Variants in COL28A1 observed in about 807,000 individuals in gnomAD.
COL28A1 encodes collagen alpha-1(XXVIII) chain.
Under a neutral mutation model 150.2 loss-of-function variants are expected in COL28A1, and 161 were observed. The ratio of observed to expected loss-of-function variants is 1.07; its 90% CI spans 0.94 to 1.22. The LOEUF (loss-of-function observed/expected upper bound fraction) is 1.22, where lower values mean the gene tolerates loss of function less well. COL28A1 is among the 50% of genes most tolerant of loss of function. The pLI, the probability that COL28A1 is intolerant of heterozygous loss-of-function variation, is 0.00. For missense variants in COL28A1, 1,617 were observed against 1,388.3 expected, an observed-to-expected ratio of 1.16 and a Z score of -2.62; for synonymous variants, 552 against 469.7, an observed-to-expected ratio of 1.18 and a Z score of -2.26.
chr7:7,471,503 T>G (rs55798422), intron 15 of COL28A1, among the ~76,000 whole-genome samples: 17,664 of 152,124 alleles, frequency 0.12, 1,120 homozygotes, highest in Middle Eastern at 0.21. Context: ...CAACAACGTA[T>G]CAAAAAGATA....
At chr7:7,367,532 G>C (rs1286878715) in intron 33 of COL28A1, among the ~76,000 whole-genome samples, 1 of 152,098 alleles carries the variant, frequency 6.6e-6, no homozygotes, top group South Asian at 2.1e-4. Context: ...AGTTCCCCTA[G>C]AGAGACCTAG....
chr7:7,416,430 C>T (rs1030819102), intron 27 of COL28A1, among the ~76,000 whole-genome samples: 3 of 152,210 alleles, frequency 2.0e-5, no homozygotes, highest in African/African-American at 7.2e-5. Flanking sequence ...GGCCTAAAGA[C>T]GTGGCAGCAA....
At chr7:7,359,637 CTTATATGTGATAAACT>C (rs933231937) in intron 34 of COL28A1, among the ~76,000 whole-genome samples, 20 of 152,170 alleles carry the variant, frequency 1.3e-4, no homozygotes, top group Non-Finnish European at 2.8e-4. Context: ...CTATCTGGGA[CTTATATGTGATAAACT>C]TTATTTTGCA....
At chr7:7,430,858 G>A (rs1008535620) in intron 25 of COL28A1, among the ~76,000 whole-genome samples, 4 of 152,106 alleles carry the variant, frequency 2.6e-5, no homozygotes, top group African/African-American at 4.8e-5. Flanking sequence ...GCTTATTCAA[G>A]GATCTGATGT....
At chr7:7,402,104 C>T (rs1437251218) in intron 27 of COL28A1, among the ~76,000 whole-genome samples, 4 of 152,118 alleles carry the variant, frequency 2.6e-5, no homozygotes, top group Non-Finnish European at 5.9e-5. Context: ...GAGGAGTTGC[C>T]CTAAGTCTTC....
rs1335697724 is a variant in COL28A1, at chr7:7,431,695, C to T, written c.1998+778G>A. On this transcript the variant is annotated intron_variant, in intron 25 of 34. Transcript: ENST00000399429. ...TTTCTAGGAAGGAATGGTATATGCTCTGATTTACGGTTTTAAAAGACCACT... is the reference window on the plus strand; with the variant it reads ...TTTCTAGGAAGGAATGGTATATGCTTTGATTTACGGTTTTAAAAGACCACT... The T allele has an allele frequency of 8.7e-6, 4 of 457,168 alleles. No homozygotes were observed. In the Admixed American group the frequency reaches 9.6e-5, roughly 11 times the overall value. The allele number at this position is 457,168 out of a possible 1,614,324, so 28.3% of individuals were successfully genotyped here. A position where few individuals can be genotyped will look rare whatever the true frequency, so the allele number is the denominator to read the frequency against.
At chr7:7,452,525 C>A in intron 17 of COL28A1, 138 bp from the exon 18 acceptor site, 2 of 1,284,588 alleles carry the variant, frequency 1.6e-6, no homozygotes, top group Non-Finnish European at 2.0e-6. Flanking sequence ...GAAATCCCTT[C>A]GGGGGATGGA....
intron 4 of COL28A1, 102 bp downstream of exon 4, chr7:7,524,127 T>C: frequency 1.3e-6 from 1 of 769,996 alleles, no homozygotes; most frequent in East Asian, 2.5e-5. Context: ...AACTAAGCAT[T>C]TTTATTTAGT....
At chr7:7,389,984 T>C (rs1178476203) in intron 27 of COL28A1, among the ~76,000 whole-genome samples, 1 of 152,214 alleles carries the variant, frequency 6.6e-6, no homozygotes, top group Non-Finnish European at 1.5e-5. Flanking sequence ...ACCCTTTATT[T>C]CTTTCTCTTG....
intron 27 of COL28A1, among the ~76,000 whole-genome samples, chr7:7,415,421 T>C (rs1488841731): frequency 1.3e-5 from 2 of 152,216 alleles, no homozygotes; most frequent in Admixed American, 6.5e-5. Flanking sequence ...GCAAAAGTAA[T>C]TGCGGTTTTT....
At chr7:7,421,736 G>A (rs1162897735) in intron 25 of COL28A1, among the ~76,000 whole-genome samples, 1 of 152,178 alleles carries the variant, frequency 6.6e-6, no homozygotes, top group African/African-American at 2.4e-5. Flanking sequence ...CTTTAAAACT[G>A]TACTTTATTA....
At chr7:7,455,447 C>T (rs141031249) in intron 16 of COL28A1, among the ~76,000 whole-genome samples, 294 of 152,272 alleles carry the variant, frequency 1.9e-3, no homozygotes, top group African/African-American at 6.3e-3. Flanking sequence ...GTTCTAATCA[C>T]GAATGTAGAC....
the COL28A1 span, among the ~76,000 whole-genome samples, chr7:7,342,498 T>C: frequency 6.6e-6 from 1 of 151,828 alleles, no homozygotes; most frequent in African/African-American, 2.4e-5. Flanking sequence ...CTGATAGGAC[T>C]AACATTTTGT....
intron 18 of COL28A1, among the ~76,000 whole-genome samples, chr7:7,447,983 C>T (rs1389493224): frequency 6.6e-6 from 1 of 152,152 alleles, no homozygotes; most frequent in African/African-American, 2.4e-5. Context: ...ACTAGGATCT[C>T]TTGAACCCAG....
chr7:7,346,865 T>A, the COL28A1 span, among the ~76,000 whole-genome samples: 1 of 152,068 alleles, frequency 6.6e-6, no homozygotes, highest in Admixed American at 6.6e-5. Flanking sequence ...ACTTTCCAAA[T>A]TGTTATGCCA....
chr7:7,343,180 G>C, the COL28A1 span, among the ~76,000 whole-genome samples: 1 of 151,396 alleles, frequency 6.6e-6, no homozygotes, highest in Non-Finnish European at 1.5e-5. Context: ...ATATATATAA[G>C]TGTAGATTTT....
At chr7:7,359,729 T>C (rs570641282) in intron 34 of COL28A1, among the ~76,000 whole-genome samples, 1 of 152,190 alleles carries the variant, frequency 6.6e-6, no homozygotes, top group South Asian at 2.1e-4. Context: ...CTCGGTTCAT[T>C]TATTTTCTCA....
intron 34 of COL28A1, 41 bp from the exon 35 acceptor site, chr7:7,358,846 T>C (rs201986925): frequency 1.5e-5 from 23 of 1,507,332 alleles, no homozygotes; most frequent in Middle Eastern, 3.5e-4. Flanking sequence ...ATTTTTCTTA[T>C]ACTGAAGACA....
At chr7:7,361,169 G>T (rs79252925) in intron 33 of COL28A1, among the ~76,000 whole-genome samples, 1 of 152,076 alleles carries the variant, frequency 6.6e-6, no homozygotes, top group Non-Finnish European at 1.5e-5. Context: ...TAACATATAA[G>T]ATGCTCTAAG....
Sources: allele counts gnomAD v4.1 joint callset (sites outside exome capture counted in the v4.1 genomes callset), GRCh38; gene constraint gnomAD v4.1.1; transcripts MANE v1.5; gene names NCBI Gene and HGNC (gene_info 2026-07-23, HGNC 2026-07-21).